Variants in DST observed in about 807,000 individuals in gnomAD.
DST encodes the protein bullous pemphigoid antigen.
DST carries 253 observed loss-of-function variants against 875.2 expected under a neutral mutation model. The observed-to-expected ratio is 0.29, with a 90% confidence interval of 0.26 to 0.32. DST has a LOEUF of 0.32. Ranked by LOEUF, DST falls within the 10% of genes least tolerant of loss-of-function variation. The pLI is 1.00. For synonymous variants in DST, 3,124 were observed against 3,197.1 expected, an observed-to-expected ratio of 0.98 and a Z score of 0.77; for missense variants, 8,287 against 9,111.6, an observed-to-expected ratio of 0.91 and a Z score of 3.68.
rs773307540 is a variant in DST, at chr6:56,602,995, T to C, written c.11194A>G (p.Lys3732Glu). ...ACCCAATCTGAGAATGACTTAAGTT[T>C]ATGCAGAAATTCTTCATGGGAAACT... ...LAVSHEEFLHKLKSFSDWVSE... is the reference protein window; with the variant it reads ...LAVSHEEFLHELKSFSDWVSE... The change falls in exon 43 of 104, where the codon AAA (lysine) becomes GAA (glutamate). Residue 3732 changes from lysine (K) to glutamate (E), a missense_variant. By Grantham distance (56) the Lys-to-Glu change is moderately conservative. Coordinates refer to ENST00000680361, the MANE Select transcript of DST (RefSeq NM_001374736.1). The C allele has an allele frequency of 2.1e-5, 33 of 1,587,790 alleles. No homozygotes were observed. The highest frequency in any genetic ancestry group is 2.6e-5 in the Non-Finnish European group (30 of 1,172,496).
rs577390813 is a variant in DST at position 56,642,436 on chromosome 6, T to C, written c.1846A>G (p.Ile616Val). ...RDSVICEDKL[I>V]LAGNALQSDS... is the part of the protein sequence containing the mutation. ...GACTGAAGAGCATTTCCAGCAAGAATCAGTTTGTCTTCACAGATGACACTG... is the reference window on the plus strand; with the variant it reads ...GACTGAAGAGCATTTCCAGCAAGAACCAGTTTGTCTTCACAGATGACACTG... Residue 616 changes from isoleucine to valine, a missense_variant, in exon 16 of 104, where the codon ATT becomes GTT. Coordinates refer to ENST00000680361, the MANE Select transcript of DST (RefSeq NM_001374736.1). The C allele has an allele frequency of 1.2e-6, 2 of 1,613,516 alleles. No individual in the cohort carries two copies. The highest frequency in any genetic ancestry group is 2.7e-5 in the African/African-American group (2 of 75,044).
chr6:56,586,660 C>T (rs1362870307), intron 49 of DST, among the ~76,000 whole-genome samples: 1 of 152,128 alleles, frequency 6.6e-6, no homozygotes, highest in African/African-American at 2.4e-5. Context: ...GAGGCACCCC[C>T]CAGTAGGGGC....
Position 56,604,919 on chromosome 6 carries a change from G to A in DST, c.9709C>T (p.Pro3237Ser), listed in dbSNP as rs1196680433. 1 of 1,612,632 alleles carries A rather than the reference G, an allele frequency of 6.2e-7. No individual in the cohort carries two copies. Among genetic ancestry groups the A allele is most frequent in the Middle Eastern group, 1.7e-4 (1 of 6,052 alleles). Reference protein sequence around the residue: ...EKSTSTQKDSPLNDMIQSNDL... With the variant: ...EKSTSTQKDSSLNDMIQSNDL... ...TTGCTTTGGATCATGTCATTAAGAG[G>A]TGAGTCTTTTTGGGTACTAGTGGAC... Residue 3237 changes from proline to serine, a missense_variant, in exon 40 of 104, where the codon CCT becomes TCT. Physicochemically the swap from Pro to Ser is moderately conservative, Grantham distance 74. Transcript: ENST00000680361.
chr6:56,461,954 C>G (rs569254645), intron 102 of DST: 12 of 152,338 alleles, frequency 7.9e-5, no homozygotes, highest in African/African-American at 2.9e-4. Flanking sequence ...TCCCACTTCT[C>G]AGCAATGAGA....
intron 33 of DST, 21 bp from the exon 34 acceptor site, chr6:56,627,308 G>C (rs766064635): frequency 6.5e-7 from 1 of 1,544,654 alleles, no homozygotes; most frequent in Admixed American, 1.7e-5. Flanking sequence ...ACACAGTTTA[G>C]AACAAAAATG....
chr6:56,496,429 T>C (rs1003609621), intron 82 of DST, among the ~76,000 whole-genome samples: 29 of 152,036 alleles, frequency 1.9e-4, no homozygotes, highest in African/African-American at 7.0e-4. Context: ...GGTGTAAGTA[T>C]GAAGTTGAAG....
chr6:56,619,095 T>TA (rs1177919564), intron 36 of DST: 1 of 1,613,390 alleles, frequency 6.2e-7, no homozygotes, highest in South Asian at 1.1e-5. Context: ...TCTAGGCATT[T>TA]AATTTTTCTT....
At chr6:56,531,877 A>G (rs2096901552) in intron 64 of DST, among the ~76,000 whole-genome samples, 1 of 113,096 alleles carries the variant, frequency 8.8e-6, no homozygotes, top group African/African-American at 3.1e-5. Flanking sequence ...AACTTAGCTT[A>G]ACTGTCATTT....
At chr6:56,834,787 A>G (rs2099791536) in intron 4 of DST, among the ~76,000 whole-genome samples, 1 of 152,196 alleles carries the variant, frequency 6.6e-6, no homozygotes, top group Non-Finnish European at 1.5e-5. Flanking sequence ...CCCACTTTGG[A>G]AGTCAAGTTA....
chr6:56,729,610 A>G lies in DST; in HGVS notation c.687+5618T>C, dbSNP rs989193204. Among the ~76,000 whole-genome samples the G allele has an allele frequency of 2.6e-4, 40 of 151,058 alleles. 1 individual carries two copies. Among genetic ancestry groups the G allele is most frequent in the Non-Finnish European group, 1.2e-4 (8 of 67,650 alleles). On this transcript the variant is annotated intron_variant, in intron 5 of 103. Transcript: ENST00000680361. ...CGACAAGAGCAAAACTCCATCTCAA[A>G]AAAAAAAAAAAAAAAATTCCCCTAT...
At chr6:56,946,952 T>C (rs933725938) in intron 2 of DST, among the ~76,000 whole-genome samples, 1 of 152,308 alleles carries the variant, frequency 6.6e-6, no homozygotes, top group East Asian at 1.9e-4. Flanking sequence ...TTATACTTCA[T>C]ATTAAAATTT....
At chr6:56,564,489 T>G (rs2097614215) in intron 55 of DST, among the ~76,000 whole-genome samples, 1 of 152,198 alleles carries the variant, frequency 6.6e-6, no homozygotes, top group African/African-American at 2.4e-5. Context: ...TGATGGGGTT[T>G]TCTAAATATA....
At chr6:56,589,286 A>G (rs2098225087) in intron 49 of DST, among the ~76,000 whole-genome samples, 1 of 152,188 alleles carries the variant, frequency 6.6e-6, no homozygotes, top group Non-Finnish European at 1.5e-5. Context: ...AAAACATCAC[A>G]TGCCTTTACT....
At chr6:56,526,269 A>C in intron 69 of DST, 92 bp downstream of exon 69, 1 of 1,284,054 alleles carries the variant, frequency 7.8e-7, no homozygotes, top group Non-Finnish European at 1.1e-6. Flanking sequence ...AAATGAATGG[A>C]AACAGTATTA....
chr6:56,941,425 C>T (rs1816515465), intron 2 of DST, among the ~76,000 whole-genome samples: 1 of 152,046 alleles, frequency 6.6e-6, no homozygotes, highest in Non-Finnish European at 1.5e-5. Flanking sequence ...TGTATTCTGA[C>T]CCAGAATATA....
At chr6:56,697,328 T>C (rs957694298) in intron 9 of DST, among the ~76,000 whole-genome samples, 1 of 152,190 alleles carries the variant, frequency 6.6e-6, no homozygotes. Context: ...TCACAGCTTA[T>C]CTCTCTCACT....
At chr6:56,616,120 T>C (rs770185060) in intron 36 of DST, 2 of 1,614,190 alleles carry the variant, frequency 1.2e-6, no homozygotes, top group Non-Finnish European at 1.7e-6. Flanking sequence ...GCCAATACCC[T>C]GCAACAGGAC....
intron 87 of DST, 47 bp downstream of exon 87, chr6:56,487,057 T>C: frequency 6.3e-7 from 1 of 1,586,432 alleles, no homozygotes; most frequent in Non-Finnish European, 8.6e-7. Context: ...ACTGTGTATT[T>C]GAAAGAGGTC....
At chr6:56,946,685 T>C (rs1283135115) in intron 2 of DST, among the ~76,000 whole-genome samples, 2 of 152,210 alleles carry the variant, frequency 1.3e-5, no homozygotes, top group Non-Finnish European at 2.9e-5. Flanking sequence ...AGTTAGTTCG[T>C]AGGTGCAATA....
Sources: gnomAD v4.1 joint callset for allele counts (sites outside exome capture counted in the v4.1 genomes callset) on GRCh38, gnomAD v4.1.1 for gene constraint, MANE v1.5 for transcripts, NCBI Gene and HGNC (gene_info 2026-07-23, HGNC 2026-07-21) for gene names.